GRID1: variants seen among roughly 807,000 people sequenced by gnomAD.
GRID1 encodes the protein glutamate ionotropic receptor delta type subunit 1.
A neutral mutation model predicts 98.0 loss-of-function variants in GRID1; 28 were observed. The ratio of observed to expected loss-of-function variants is 0.29; its 90% CI spans 0.21 to 0.39. The LOEUF is 0.39. Ranked by LOEUF, GRID1 falls within the 10% of genes least tolerant of loss-of-function variation. GRID1 has a pLI of 1.00. For synonymous variants in GRID1, 553 were observed against 538.5 expected (o/e 1.03, Z -0.37); for missense variants, 1,111 against 1,340.5 (o/e 0.83, Z 2.67).
chr10:86,072,508 A>G (rs1426581236), intron 4 of GRID1, among the ~76,000 whole-genome samples: 1 of 152,248 alleles, frequency 6.6e-6, no homozygotes, highest in Non-Finnish European at 1.5e-5. Flanking sequence ...GGGTAAAGAA[A>G]TGTAAACACA....
At chr10:85,973,504 G>A (rs11597405) in intron 4 of GRID1, among the ~76,000 whole-genome samples, 19,507 of 151,632 alleles carry the variant, frequency 0.13, 1,380 homozygotes, top group Admixed American at 0.22. Flanking sequence ...TTTGTCTTTC[G>A]TTGCTGGAAG....
intron 4 of GRID1, among the ~76,000 whole-genome samples, chr10:86,079,314 A>G (rs1040155924): frequency 6.6e-6 from 1 of 152,196 alleles, no homozygotes; most frequent in Non-Finnish European, 1.5e-5. Flanking sequence ...GAATCTCTGA[A>G]GTCATCCTGG....
intron 4 of GRID1, among the ~76,000 whole-genome samples, chr10:85,942,701 T>C (rs1294937013): frequency 6.6e-6 from 1 of 152,220 alleles, no homozygotes; most frequent in Non-Finnish European, 1.5e-5. Flanking sequence ...AATGTCTCTA[T>C]TATAGATTAC....
chr10:85,681,315 C>G (rs1841205866), intron 12 of GRID1, among the ~76,000 whole-genome samples: 1 of 152,132 alleles, frequency 6.6e-6, no homozygotes, highest in South Asian at 2.1e-4. Context: ...CAACATTGCA[C>G]CAACATTTTA....
chr10:85,943,328 A>AT (rs1427291670), intron 4 of GRID1, among the ~76,000 whole-genome samples: 1 of 152,206 alleles, frequency 6.6e-6, no homozygotes, highest in Non-Finnish European at 1.5e-5. Context: ...TATATGCCAT[A>AT]TTTTTTAAAA....
rs1463850373 is a variant in GRID1 at position 85,602,322 on chromosome 10, C to T, written c.2981G>A (p.Gly994Glu). ...PIPMSFQPVP[G>E]GVLPEALDTS... is the part of the protein sequence containing the mutation. ...GTCCAGAGCCTCTGGAAGGACGCCT[C>T]CAGGCACGGGCTGGAAGGACATGGG... Residue 994 changes from glycine to glutamate, a missense_variant, in exon 16 of 16, where the codon GGA becomes GAA. Around this residue, in one of 3 missense-constraint regions of GRID1, gnomAD observed 762 missense variants for 869.1 expected, o/e 0.88. Coordinates refer to ENST00000327946, the MANE Select transcript of GRID1 (RefSeq NM_017551.3). The T allele has an allele frequency of 2.6e-6, 4 of 1,554,504 alleles. No individual in the cohort carries two copies. The highest frequency in any genetic ancestry group is 2.6e-6 in the Non-Finnish European group (3 of 1,149,198).
At chr10:85,979,857 T>C (rs79779514) in intron 4 of GRID1, among the ~76,000 whole-genome samples, 3,428 of 152,336 alleles carry the variant, frequency 0.023, 82 homozygotes, top group African/African-American at 0.055. Context: ...AGTGGCCTAC[T>C]CCAAGTTACC....
At chr10:85,737,511 T>G (rs907867191) in intron 8 of GRID1, among the ~76,000 whole-genome samples, 1 of 151,644 alleles carries the variant, frequency 6.6e-6, no homozygotes, top group Non-Finnish European at 1.5e-5. Flanking sequence ...ATAAAAGGAC[T>G]GACCAACTCC....
intron 4 of GRID1, among the ~76,000 whole-genome samples, chr10:86,132,088 G>A (rs1487195707): frequency 6.6e-6 from 1 of 152,202 alleles, no homozygotes; most frequent in East Asian, 1.9e-4. Context: ...TCTGAGGGAT[G>A]TGACAGTGCT....
At chr10:85,955,622 G>C (rs572810217) in intron 4 of GRID1, among the ~76,000 whole-genome samples, 1 of 152,202 alleles carries the variant, frequency 6.6e-6, no homozygotes, top group Non-Finnish European at 1.5e-5. Flanking sequence ...CCTGGGATAA[G>C]AAACAACTAG....
At chr10:86,278,515 A>G (rs902380647) in intron 2 of GRID1, among the ~76,000 whole-genome samples, 10 of 152,178 alleles carry the variant, frequency 6.6e-5, no homozygotes, top group African/African-American at 2.4e-4. Context: ...AAAGATCAAT[A>G]GTATTAATAA....
intron 8 of GRID1, among the ~76,000 whole-genome samples, chr10:85,832,695 T>C (rs975411848): frequency 2.0e-5 from 3 of 152,094 alleles, no homozygotes; most frequent in Non-Finnish European, 4.4e-5. Context: ...AGGAAAAACA[T>C]AGTGACAGGG....
intron 8 of GRID1, among the ~76,000 whole-genome samples, chr10:85,770,169 G>A (rs953051470): frequency 2.6e-5 from 4 of 152,176 alleles, no homozygotes; most frequent in East Asian, 3.9e-4. Context: ...CGCGGTTCAC[G>A]AAAATCTGCT....
intron 13 of GRID1, among the ~76,000 whole-genome samples, chr10:85,633,854 T>C (rs1046494096): frequency 6.6e-6 from 1 of 152,156 alleles, no homozygotes; most frequent in African/African-American, 2.4e-5. Flanking sequence ...TACAGCTTTG[T>C]AAAGTCAAAA....
chr10:85,606,735 G>C (rs1842671351), intron 15 of GRID1: 2 of 152,166 alleles, frequency 1.3e-5, no homozygotes, highest in South Asian at 4.1e-4. Context: ...TCCAGCCAAG[G>C]AAAGAGGAGA....
At chr10:86,204,146 T>C (rs529334885) in intron 3 of GRID1, among the ~76,000 whole-genome samples, 145 of 152,280 alleles carry the variant, frequency 9.5e-4, no homozygotes, top group African/African-American at 3.4e-3. Context: ...GAATACAACC[T>C]GTTTCCTAGC....
intron 4 of GRID1, among the ~76,000 whole-genome samples, chr10:85,995,797 C>A (rs1272569930): frequency 6.6e-6 from 1 of 152,178 alleles, no homozygotes; most frequent in Admixed American, 6.5e-5. Flanking sequence ...AAGAGTCCCT[C>A]AGAATAGGAA....
At chr10:86,289,380 G>T (rs1261502716) in intron 2 of GRID1, among the ~76,000 whole-genome samples, 5 of 152,140 alleles carry the variant, frequency 3.3e-5, no homozygotes, top group Non-Finnish European at 7.4e-5. Flanking sequence ...GCCAGCTGAA[G>T]CAGTCATCAC....
At chr10:86,235,714 A>G (rs1332336484) in intron 2 of GRID1, among the ~76,000 whole-genome samples, 3 of 152,246 alleles carry the variant, frequency 2.0e-5, no homozygotes, top group Non-Finnish European at 4.4e-5. Flanking sequence ...TTAAGCGTGT[A>G]TCAGTGTTTC....
Sources: allele counts gnomAD v4.1 joint callset (sites outside exome capture counted in the v4.1 genomes callset), GRCh38; gene constraint gnomAD v4.1.1; regional missense constraint gnomAD v4.1.1; transcripts MANE v1.5; gene names NCBI Gene and HGNC (gene_info 2026-07-23, HGNC 2026-07-21).